The following DOCK2 variants were observed in gnomAD, a reference collection of about 807,000 sequenced individuals.
DOCK2 encodes the protein dedicator of cytokinesis 2.
A neutral mutation model predicts 248.9 loss-of-function variants in DOCK2; 87 were observed. The ratio of observed to expected loss-of-function variants is 0.35; its 90% confidence interval spans 0.29 to 0.42. DOCK2 has a LOEUF of 0.42. Among genes scored for constraint, DOCK2 ranks in the 10% least tolerant of loss-of-function variants. DOCK2 has a pLI of 1.00. For missense variants in DOCK2, 1,747 were observed against 2,300.2 expected (o/e 0.76, Z 4.92); for synonymous variants, 805 against 821.6 (o/e 0.98, Z 0.35).
intron 5 of DOCK2, among the ~76,000 whole-genome samples, chr5:169,673,410 TG>T (rs1269083720): frequency 1.1e-4 from 16 of 152,140 alleles, no homozygotes; most frequent in African/African-American, 3.9e-4. Flanking sequence ...TTTTTGTTGT[TG>T]TTTTTTTAAT....
At chr5:169,870,613 A>G (rs542949856) in intron 27 of DOCK2, among the ~76,000 whole-genome samples, 3 of 151,678 alleles carry the variant, frequency 2.0e-5, no homozygotes, top group South Asian at 4.2e-4. Context: ...AAATTTTATT[A>G]TTATTATACT....
At chr5:169,723,019 G>C (rs1266958056) in intron 22 of DOCK2, among the ~76,000 whole-genome samples, 1 of 152,158 alleles carries the variant, frequency 6.6e-6, no homozygotes, top group East Asian at 1.9e-4. Flanking sequence ...TATTTCCTCT[G>C]TGAGTGTGAT....
rs560101640 is a variant in DOCK2 at position 170,007,325 on chromosome 5, G to A, written c.3073-1172G>A. ...CAAAACTGTCTCCCACATGCTCCTT[G>A]CAGGACCTTGGCATCTTGCAATAAT... On this transcript the variant is annotated intron_variant, in intron 30 of 51. Transcript: ENST00000520908. 7.2e-5 allele frequency among the ~76,000 whole-genome samples: 11 copies of A among 152,296 alleles called. No individual in the cohort carries two copies. In the South Asian group the frequency reaches 2.1e-3, roughly 29 times the overall value.
At chr5:169,747,090 G>A (rs1763653519) in intron 22 of DOCK2, among the ~76,000 whole-genome samples, 1 of 152,100 alleles carries the variant, frequency 6.6e-6, no homozygotes, top group Non-Finnish European at 1.5e-5. Context: ...CTTGCAGAAG[G>A]GTGAAATTAT....
intron 11 of DOCK2, 58 bp from the exon 12 acceptor site, chr5:169,699,324 C>A: frequency 6.4e-7 from 1 of 1,552,074 alleles, no homozygotes; most frequent in Non-Finnish European, 8.8e-7. Flanking sequence ...TTCATGGGAC[C>A]CCTTGAAACG....
At chr5:169,724,614 G>A (rs1392875649) in intron 22 of DOCK2, among the ~76,000 whole-genome samples, 1 of 152,062 alleles carries the variant, frequency 6.6e-6, no homozygotes, top group African/African-American at 2.4e-5. Flanking sequence ...GGGCATCTCA[G>A]GAGCATGGTT....
chr5:169,639,102 A>C (rs1487822795), intron 1 of DOCK2, among the ~76,000 whole-genome samples: 5 of 152,222 alleles, frequency 3.3e-5, no homozygotes, highest in Admixed American at 1.3e-4. Flanking sequence ...TTCTCTGAGC[A>C]CTGGAGGTTT....
intron 25 of DOCK2, among the ~76,000 whole-genome samples, chr5:169,792,352 G>GTA (rs1554101486): frequency 6.7e-6 from 1 of 149,806 alleles, no homozygotes; most frequent in African/African-American, 2.5e-5. Flanking sequence ...TTTATGTAAT[G>GTA]TGTGTGTGTG....
At position 169,648,074 on chromosome 5, in the gene DOCK2, GT is replaced by G. The variant is rs1331373460; in HGVS notation, c.44-6328del. ...TGTGCATGTGTGAGTGCAAGAGTGT[GT>G]GAGAATGTGTGTGTGAATGTGCCTA... On this transcript the variant is annotated intron_variant, in intron 1 of 51. Coordinates refer to ENST00000520908, the MANE Select transcript of DOCK2 (RefSeq NM_004946.3). Among the ~76,000 whole-genome samples the G allele has an allele frequency of 2.0e-5, 3 of 152,158 alleles. No homozygotes were observed. The East Asian group carries it at 5.8e-4, about 29-fold the overall frequency.
chr5:169,857,474 C>T (rs1034828261), intron 27 of DOCK2, among the ~76,000 whole-genome samples: 4 of 152,134 alleles, frequency 2.6e-5, no homozygotes, highest in South Asian at 2.1e-4. Context: ...ACACCGTACC[C>T]GGCCCCTCTC....
chr5:170,010,812 T>G (rs1229867185), intron 32 of DOCK2, among the ~76,000 whole-genome samples: 1 of 152,218 alleles, frequency 6.6e-6, no homozygotes, highest in East Asian at 1.9e-4. Context: ...CCCCAGGCAC[T>G]GCCAGAATTG....
intron 27 of DOCK2, among the ~76,000 whole-genome samples, chr5:169,929,705 G>A (rs533863160): frequency 7.1e-6 from 1 of 141,744 alleles, no homozygotes; most frequent in African/African-American, 2.7e-5. Context: ...GGGGATCACT[G>A]CACTCCAGCC....
chr5:169,804,799 T>A (rs886298229), intron 26 of DOCK2, among the ~76,000 whole-genome samples: 11 of 152,176 alleles, frequency 7.2e-5, no homozygotes, highest in African/African-American at 1.9e-4. Context: ...CTCTGTGTAA[T>A]CACAGGCATA....
intron 1 of DOCK2, among the ~76,000 whole-genome samples, chr5:169,641,255 A>G (rs988659381): frequency 3.3e-5 from 5 of 152,340 alleles, no homozygotes; most frequent in Middle Eastern, 3.4e-3. Context: ...TGAGACTCCA[A>G]CGTCTCTTTT....
chr5:169,888,620 A>G (rs261072), intron 27 of DOCK2, among the ~76,000 whole-genome samples: 18,680 of 152,162 alleles, frequency 0.12, 1,841 homozygotes, highest in African/African-American at 0.27. Context: ...TTTAGGCCAT[A>G]CAGTGAGGGG....
At chr5:170,059,675 C>T (rs1430091630) in intron 44 of DOCK2, among the ~76,000 whole-genome samples, 1 of 152,134 alleles carries the variant, frequency 6.6e-6, no homozygotes, top group African/African-American at 2.4e-5. Flanking sequence ...TATTTTCTGC[C>T]ATACCTCCAA....
chr5:169,866,124 A>G (rs1240719968), intron 27 of DOCK2, among the ~76,000 whole-genome samples: 2 of 152,044 alleles, frequency 1.3e-5, no homozygotes, highest in East Asian at 3.9e-4. Flanking sequence ...AGCAAGACTG[A>G]TGGGGTGTTA....
rs1388543948 is a variant in DOCK2 at position 169,654,431 on chromosome 5, C to G, written c.72C>G (p.Ala24=). The change falls in exon 2 of 52, where the codon GCC becomes GCG. Residue 24 remains alanine (A), a synonymous_variant. Coordinates refer to ENST00000520908, the MANE Select transcript of DOCK2 (RefSeq NM_004946.3). ...VAIYNFQGSG[A]PQLSLQIGDV... Reference sequence around the variant, plus strand: ...TATACAACTTCCAAGGCAGCGGAGCCCCCCAGCTCTCCCTGCAGATCGGCG... The same window carrying G: ...TATACAACTTCCAAGGCAGCGGAGCGCCCCAGCTCTCCCTGCAGATCGGCG... The G allele has an allele frequency of 1.9e-6, 3 of 1,614,026 alleles. No individual in the cohort carries two copies. Among genetic ancestry groups the G allele is most frequent in the Non-Finnish European group, 2.5e-6 (3 of 1,180,030 alleles).
chr5:169,853,532 A>G (rs187203505), intron 27 of DOCK2, among the ~76,000 whole-genome samples: 2 of 152,324 alleles, frequency 1.3e-5, no homozygotes, highest in East Asian at 3.9e-4. Context: ...ACACAAGACT[A>G]TTCTGTGAAT....
Sources: allele counts gnomAD v4.1 joint callset (sites outside exome capture counted in the v4.1 genomes callset), GRCh38; gene constraint gnomAD v4.1.1; transcripts MANE v1.5; gene names NCBI Gene and HGNC (gene_info 2026-07-23, HGNC 2026-07-21).